Variants in PTPRD observed in about 807,000 individuals in gnomAD.
PTPRD encodes the protein receptor-type tyrosine-protein phosphatase delta.
In PTPRD, 34 loss-of-function variants were observed where a neutral mutation model predicts 214.5. The observed-to-expected ratio is 0.16, with a 90% confidence interval of 0.12 to 0.21. The LOEUF (loss-of-function observed/expected upper bound fraction) is 0.21. Ranked by LOEUF, PTPRD falls within the 10% of genes least tolerant of loss-of-function variation. The probability of loss-of-function intolerance (pLI) is 1.00; values close to 1 mark genes in which losing one functional copy is unlikely to be tolerated. For synonymous variants in PTPRD, 1,128 were observed against 845.7 expected, an observed-to-expected ratio of 1.33 and a Z score of -5.79; for missense variants, 2,545 against 2,398.7, an observed-to-expected ratio of 1.06 and a Z score of -1.27.
chr9:9,369,278 C>G (rs1205299219), intron 9 of PTPRD, among the ~76,000 whole-genome samples: 1 of 152,062 alleles, frequency 6.6e-6, no homozygotes, highest in Admixed American at 6.6e-5. Flanking sequence ...CTGTTGTTTC[C>G]TGACTTTTTA....
At chr9:10,464,374 CAAAG>C (rs144083014) in intron 2 of PTPRD, among the ~76,000 whole-genome samples, 4,379 of 147,280 alleles carry the variant, frequency 0.03, 187 homozygotes, top group African/African-American at 0.098. Context: ...AGTGAGACAC[CAAAG>C]AAAGAGAGAA....
chr9:9,443,173 A>G (rs1453147974), intron 8 of PTPRD, among the ~76,000 whole-genome samples: 2 of 152,172 alleles, frequency 1.3e-5, no homozygotes. Flanking sequence ...TTTAAAAAAA[A>G]TCTTCAACTG....
chr9:9,697,566 T>C (rs985797580), intron 7 of PTPRD, among the ~76,000 whole-genome samples: 1 of 152,054 alleles, frequency 6.6e-6, no homozygotes, highest in Non-Finnish European at 1.5e-5. Flanking sequence ...AAATTGGAAG[T>C]CTCTCATATG....
rs536702508 is a variant in PTPRD at position 10,029,309 on chromosome 9, G to A, written c.-472+4409C>T. ...CCCCATACAGAGTCCCCACTGGGGC[G>A]CTGTCTAGTGGAGCTGTGAGAAGAG... is the stretch of plus-strand genomic sequence containing the variant. On this transcript the variant is annotated intron_variant, in intron 4 of 45. Transcript: ENST00000381196. Among the ~76,000 whole-genome samples, 10 of 152,284 alleles carry A rather than the reference G, an allele frequency of 6.6e-5. No homozygotes were observed. In the South Asian group the frequency reaches 8.3e-4, roughly 13 times the overall value.
chr9:8,455,949 T>C (rs1051053390), intron 33 of PTPRD, among the ~76,000 whole-genome samples: 1 of 152,172 alleles, frequency 6.6e-6, no homozygotes, highest in African/African-American at 2.4e-5. Context: ...CCTGGGTACA[T>C]ATGTGGTACA....
At chr9:8,969,765 C>T (rs2099224999) in intron 11 of PTPRD, among the ~76,000 whole-genome samples, 2 of 151,824 alleles carry the variant, frequency 1.3e-5, no homozygotes, top group South Asian at 4.2e-4. Flanking sequence ...GGAGTATGAT[C>T]TCATACCTTT....
In PTPRD at chr9:8,587,613, A is replaced by T. The variant is rs78080023; in HGVS notation, c.352+45704T>A. On this transcript the variant is annotated intron_variant, in intron 14 of 45. Transcript: ENST00000381196. ...GAAAGCTGAATTTGGAAAAAAATCA[A>T]ATTAAGTTCAACAGACTAAAAGTTC... Among the ~76,000 whole-genome samples the T allele has an allele frequency of 8.6e-3, 1,307 of 152,330 alleles. 23 individuals are homozygous for T. Among genetic ancestry groups the T allele is most frequent in the African/African-American group, 0.03 (1,227 of 41,564 alleles).
At chr9:8,876,843 G>A (rs1445771661) in intron 11 of PTPRD, among the ~76,000 whole-genome samples, 2 of 152,126 alleles carry the variant, frequency 1.3e-5, no homozygotes, top group South Asian at 2.1e-4. Context: ...TCTGATATTA[G>A]GGAAAGTAAA....
rs79502784 is a variant in PTPRD at position 8,642,126 on chromosome 9, A to G, written c.65-5282T>C. ...TGAGAAATTCCTAAAGGTTAAGTAG[A>G]TAACTTAGAGTTGAGGTATATGATT... On this transcript the variant is annotated intron_variant, in intron 12 of 45. Coordinates refer to ENST00000381196, the MANE Select transcript of PTPRD (RefSeq NM_002839.4). 7.7e-3 allele frequency among the ~76,000 whole-genome samples: 1,164 copies of G among 152,122 alleles called. 6 individuals carry two copies. The highest frequency in any genetic ancestry group is 0.012 in the Non-Finnish European group (830 of 68,034).
At chr9:8,910,033 A>AT (rs1555508302) in intron 11 of PTPRD, among the ~76,000 whole-genome samples, 1 of 151,468 alleles carries the variant, frequency 6.6e-6, no homozygotes, top group African/African-American at 2.4e-5. Flanking sequence ...TTATTTATTT[A>AT]TTATTTATTT....
chr9:9,488,641 T>C (rs2095762608), intron 8 of PTPRD, among the ~76,000 whole-genome samples: 1 of 152,186 alleles, frequency 6.6e-6, no homozygotes, highest in Admixed American at 6.5e-5. Context: ...ACACAAGGAA[T>C]TTGTCTCCCC....
intron 9 of PTPRD, among the ~76,000 whole-genome samples, chr9:9,352,889 TTCAC>T (rs2052012575): frequency 6.6e-6 from 1 of 151,994 alleles, no homozygotes; most frequent in South Asian, 2.1e-4. Context: ...GGTTTGAGTG[TTCAC>T]TCAGTGTTTT....
intron 6 of PTPRD, among the ~76,000 whole-genome samples, chr9:9,751,554 G>A (rs2098519767): frequency 6.6e-6 from 1 of 152,084 alleles, no homozygotes; most frequent in Non-Finnish European, 1.5e-5. Flanking sequence ...TTTAACAGAG[G>A]AAATCAAATT....
chr9:10,119,216 T>C (rs2098755469), intron 3 of PTPRD, among the ~76,000 whole-genome samples: 1 of 151,948 alleles, frequency 6.6e-6, no homozygotes, highest in South Asian at 2.1e-4. Context: ...TTTTAACTAT[T>C]ACAATCAAAC....
chr9:8,668,695 A>G (rs952355174), intron 12 of PTPRD, among the ~76,000 whole-genome samples: 2 of 152,222 alleles, frequency 1.3e-5, no homozygotes, highest in African/African-American at 4.8e-5. Context: ...GGAAAATTGC[A>G]ATGTATATGC....
intron 7 of PTPRD, among the ~76,000 whole-genome samples, chr9:9,615,976 T>C (rs1056115337): frequency 2.0e-5 from 3 of 152,168 alleles, no homozygotes; most frequent in South Asian, 4.1e-4. Context: ...ATTTCTATAA[T>C]GACTAATGAA....
intron 7 of PTPRD, among the ~76,000 whole-genome samples, chr9:9,647,171 CT>C (rs558979584): frequency 4.4e-4 from 67 of 152,028 alleles, no homozygotes; most frequent in East Asian, 5.8e-4. Context: ...ATTATTGCAT[CT>C]TTCCCCCCCC....
At chr9:9,796,743 A>G (rs948064592) in intron 5 of PTPRD, among the ~76,000 whole-genome samples, 3 of 152,194 alleles carry the variant, frequency 2.0e-5, no homozygotes, top group Non-Finnish European at 4.4e-5. Flanking sequence ...AAAAATAGCA[A>G]AGTCTTCAGG....
chr9:8,883,716 T>C (rs2098464851), intron 11 of PTPRD, among the ~76,000 whole-genome samples: 1 of 152,204 alleles, frequency 6.6e-6, no homozygotes, highest in Admixed American at 6.5e-5. Context: ...CTTTCTTTTA[T>C]ACAGGTCTTG....
Sources: allele counts gnomAD v4.1 joint callset (sites outside exome capture counted in the v4.1 genomes callset), GRCh38; gene constraint gnomAD v4.1.1; transcripts MANE v1.5; gene names NCBI Gene and HGNC (gene_info 2026-07-23, HGNC 2026-07-21).